IP6K2: variants seen among roughly 807,000 people sequenced by gnomAD.
IP6K2 encodes the protein ATP:1D-myo-inositol-hexakisphosphate phosphotransferase.
In IP6K2, 9 loss-of-function variants were observed where a neutral mutation model predicts 43.3. That is an observed-to-expected ratio of 0.21 (90% CI 0.13 to 0.36). IP6K2 has a LOEUF of 0.36. IP6K2 is among the 10% of genes least tolerant of loss of function. The pLI, the probability that IP6K2 is intolerant of heterozygous loss-of-function variation, is 1.00. For missense variants in IP6K2, 332 were observed against 538.4 expected (o/e 0.62, Z 3.79); for synonymous variants, 209 against 202.4 (o/e 1.03, Z -0.28).
intron 1 of IP6K2, chr3:48,708,265 C>A (rs1347145834): frequency 6.6e-6 from 1 of 151,684 alleles, no homozygotes; most frequent in Non-Finnish European, 1.5e-5. Context: ...AATAATAATA[C>A]ATAAATAAAT....
intron 1 of IP6K2, among the ~76,000 whole-genome samples, chr3:48,701,431 G>A (rs2079019113): frequency 6.6e-6 from 1 of 151,904 alleles, no homozygotes; most frequent in Non-Finnish European, 1.5e-5. Context: ...GCTGGGCGTG[G>A]TGGCAGGCGC....
Position 48,695,568 on chromosome 3 carries a change from C to T in IP6K2, c.-130-147G>A, listed in dbSNP as rs190480244. 10 of 1,099,348 alleles carry T rather than the reference C, an allele frequency of 9.1e-6. No homozygotes were observed. In the South Asian group the frequency reaches 1.7e-4, roughly 18 times the overall value. The allele number at this position is 1,099,348 out of a possible 1,614,324, so 68.1% of individuals were successfully genotyped here. A position where few individuals can be genotyped will look rare whatever the true frequency, so the allele number is the denominator to read the frequency against. On this transcript the variant is annotated intron_variant, in intron 1 of 5. Coordinates refer to ENST00000328631, the MANE Select transcript of IP6K2 (RefSeq NM_016291.4). This position sits in a 1 kb window ranked among gnomAD's most constrained non-coding sequence, Gnocchi z 4.6. Reference sequence around the variant, plus strand: ...CGCCCATGCCACCCACCTTGGCCCCCGCCTTCTCCGGCAGAAAAACAAAAA... The same window carrying T: ...CGCCCATGCCACCCACCTTGGCCCCTGCCTTCTCCGGCAGAAAAACAAAAA...
chr3:48,693,115 C>A lies in IP6K2; in HGVS notation c.267G>T (p.Leu89Phe). 6.2e-7 allele frequency: 1 copy of A among 1,614,258 alleles called. No individual in the cohort carries two copies. The highest frequency in any genetic ancestry group is 8.5e-7 in the Non-Finnish European group (1 of 1,180,046). ...TGTCCACAATTCCATGGTCCCCTTT[C>A]AATGGATATGCTATTAGACACAAGT... is the stretch of plus-strand genomic sequence containing the variant. The part of the protein sequence containing the change: ...DRNLCLIAYP[L>F]KGDHGIVDIV... The change falls in exon 3 of 6, where the codon TTG becomes TTT. Residue 89 changes from leucine to phenylalanine, a missense_variant. Physicochemically the swap from Leu to Phe is conservative, Grantham distance 22 (BLOSUM62 0). Transcript: ENST00000328631.
chr3:48,699,223 C>T (rs2078752891), intron 1 of IP6K2: 1 of 152,038 alleles, frequency 6.6e-6, no homozygotes. Flanking sequence ...CCAGCCTGAC[C>T]AACATAGAGA....
chr3:48,688,768 G>A lies in IP6K2; in HGVS notation c.786C>T (p.Tyr262=). 6.2e-7 allele frequency: 1 copy of A among 1,607,560 alleles called. No individual in the cohort carries two copies. Among genetic ancestry groups the A allele is most frequent in the Non-Finnish European group, 8.5e-7 (1 of 1,176,308 alleles). Residue 262 remains tyrosine (Y), a synonymous_variant, in exon 6 of 6, where the codon TAC becomes TAT. Transcript: ENST00000328631. The surrounding 1 kb of genome is among the most constrained non-coding windows in gnomAD (Gnocchi z 5.1). Reference sequence around the variant, plus strand: ...ACATGAGCTGCCCACTGCCTGCTTGGTACACCTGTAGGAGAGAGACCAGCA... The same window carrying A: ...ACATGAGCTGCCCACTGCCTGCTTGATACACCTGTAGGAGAGAGACCAGCA... ...IGVRVCGMQV[Y]QAGSGQLMFM...
intron 1 of IP6K2, among the ~76,000 whole-genome samples, chr3:48,702,738 T>A (rs1178284494): frequency 6.6e-6 from 1 of 152,196 alleles, no homozygotes; most frequent in African/African-American, 2.4e-5. Flanking sequence ...CGTTTCTTAC[T>A]TGTCTTGTTA....
At position 48,693,055 on chromosome 3, in the gene IP6K2, C is replaced by A; in HGVS notation, c.327G>T (p.Lys109Asn). 1.2e-6 allele frequency: 2 copies of A among 1,614,170 alleles called. No individual in the cohort carries two copies. Among genetic ancestry groups the A allele is most frequent in the Non-Finnish European group, 1.7e-6 (2 of 1,180,000 alleles). The part of the protein sequence containing the change: ...VDNSDCEPKS[K>N]LLRWTTNKKH... ...TTTTGTTTGTTGTCCACCTTAGGAG[C>A]TTACTTTTTGGTTCACAGTCTGAAT... The change falls in exon 3 of 6, where the codon AAG becomes AAT. Residue 109 changes from lysine to asparagine, a missense_variant. By Grantham distance (94) the Lys-to-Asn change is moderately conservative (BLOSUM62 0). Transcript: ENST00000328631.
At chr3:48,702,982 G>A (rs1416166315) in intron 1 of IP6K2, among the ~76,000 whole-genome samples, 1 of 152,188 alleles carries the variant, frequency 6.6e-6, no homozygotes, top group Non-Finnish European at 1.5e-5. Flanking sequence ...CCAATCATAT[G>A]GTGAGTACAA....
chr3:48,703,416 T>C (rs1398686425), intron 1 of IP6K2, among the ~76,000 whole-genome samples: 1 of 152,070 alleles, frequency 6.6e-6, no homozygotes, highest in Non-Finnish European at 1.5e-5. Context: ...TAAAAAATAA[T>C]TATCTCGGCC....
chr3:48,698,751 G>A (rs2078693242), intron 1 of IP6K2, among the ~76,000 whole-genome samples: 1 of 151,972 alleles, frequency 6.6e-6, no homozygotes, highest in South Asian at 2.1e-4. Context: ...GGGATTATGG[G>A]CATGAGCCAC....
Position 48,688,175 on chromosome 3 carries a change from C to T in IP6K2, c.*98G>A, listed in dbSNP as rs905876996. 7.2e-7 allele frequency: 1 copy of T among 1,389,556 alleles called. No individual in the cohort carries two copies. Among genetic ancestry groups the T allele is most frequent in the Admixed American group, 1.8e-5 (1 of 55,386 alleles). 86.1% of individuals were successfully genotyped at this position (1,389,556 alleles called of 1,614,324 possible). A position where few individuals can be genotyped will look rare whatever the true frequency, so the allele number is the denominator to read the frequency against. ...GCCACTGCACATCAGCTCCAGGCTG[C>T]AGGAGCCACCACCTGGCCATACTGG... On this transcript the variant is annotated 3_prime_UTR_variant, in exon 6 of 6. Transcript: ENST00000328631. The surrounding 1 kb of genome is among the most constrained non-coding windows in gnomAD (Gnocchi z 5.1).
intron 4 of IP6K2, among the ~76,000 whole-genome samples, chr3:48,690,760 G>A (rs936097883): frequency 1.4e-5 from 2 of 146,422 alleles, no homozygotes; most frequent in African/African-American, 5.1e-5. Context: ...CTGCACTCTA[G>A]CCTGGGGGAC....
chr3:48,698,315 T>C (rs990904830), intron 1 of IP6K2, among the ~76,000 whole-genome samples: 2 of 152,206 alleles, frequency 1.3e-5, no homozygotes, highest in Non-Finnish European at 2.9e-5. Flanking sequence ...TTATGAATTG[T>C]TAAAGCACAA....
intron 1 of IP6K2, among the ~76,000 whole-genome samples, chr3:48,706,065 TGCA>T (rs1559551164): frequency 4.7e-5 from 1 of 21,092 alleles, no homozygotes; most frequent in Non-Finnish European, 1.1e-4. Context: ...AAATTAGCCG[TGCA>T]TGGTGGTGGG....
chr3:48,710,288 G>A (rs568925552), intron 1 of IP6K2, among the ~76,000 whole-genome samples: 10 of 152,304 alleles, frequency 6.6e-5, no homozygotes, highest in African/African-American at 1.9e-4. Context: ...TACTCAGAAG[G>A]CTGAGGCAGG....
intron 1 of IP6K2, among the ~76,000 whole-genome samples, chr3:48,700,732 G>T (rs2078921592): frequency 1.3e-5 from 2 of 152,120 alleles, no homozygotes; most frequent in Non-Finnish European, 2.9e-5. Context: ...CACTCATCCA[G>T]AATTTAGTTA....
At chr3:48,707,822 A>G (rs1422890449) in intron 1 of IP6K2, among the ~76,000 whole-genome samples, 2 of 152,160 alleles carry the variant, frequency 1.3e-5, no homozygotes, top group Non-Finnish European at 2.9e-5. Context: ...TCTTCCCCCA[A>G]AACAGCAGAT....
Position 48,695,463 on chromosome 3 carries a change from GT to G in IP6K2, c.-130-43del. 3 of 1,399,010 alleles carry G rather than the reference GT, an allele frequency of 2.1e-6. No individual in the cohort carries two copies. The highest frequency in any genetic ancestry group is 3.3e-5 in the South Asian group (2 of 60,110). 86.7% of individuals were successfully genotyped at this position (1,399,010 alleles called of 1,614,324 possible). ...TGATGACATGGGGGTTCGAAGTAGC[GT>G]GGGAAGTGCCTTAGAGCTGCTCACC... On this transcript the variant is annotated intron_variant, in intron 1 of 5. Coordinates refer to ENST00000328631, the MANE Select transcript of IP6K2 (RefSeq NM_016291.4). The surrounding 1 kb of genome is among the most constrained non-coding windows in gnomAD (Gnocchi z 4.6).
chr3:48,716,327 C>G (rs2081188850), intron 1 of IP6K2: 1 of 152,230 alleles, frequency 6.6e-6, no homozygotes, highest in East Asian at 1.9e-4. Flanking sequence ...GTTCTGTGTA[C>G]ATTCTGCTAC....
Sources: gnomAD v4.1 joint callset for allele counts (sites outside exome capture counted in the v4.1 genomes callset) on GRCh38, gnomAD v4.1.1 for gene constraint, Gnocchi (gnomAD v3.1) non-coding constraint, MANE v1.5 for transcripts, NCBI Gene and HGNC (gene_info 2026-07-23, HGNC 2026-07-21) for gene names.